GLO1: variants seen among roughly 807,000 people sequenced by gnomAD.
GLO1 encodes lactoylglutathione lyase.
GLO1 carries 28 observed loss-of-function variants against 26.0 expected under a neutral mutation model. The observed-to-expected ratio is 1.08, with a 90% CI of 0.80 to 1.48. GLO1 has a LOEUF of 1.48. Among genes scored for constraint, GLO1 ranks in the 40% most tolerant of loss-of-function variants. The pLI, the probability that GLO1 is intolerant of heterozygous loss-of-function variation, is 0.00. For synonymous variants in GLO1, 78 were observed against 77.6 expected (o/e 1.00, Z -0.03); for missense variants, 225 against 224.8 (o/e 1.00, Z -0.01).
intron 3 of GLO1, 199 bp from the exon 4 acceptor site, chr6:38,683,074 A>G: frequency 3.7e-6 from 2 of 539,426 alleles, no homozygotes; most frequent in South Asian, 5.6e-5. Flanking sequence ...AAGAGACAGT[A>G]AATACAGGTA....
At position 38,690,444 on chromosome 6, in the gene GLO1, G is replaced by A. The variant is rs746365526; in HGVS notation, c.85-3470C>T. 2.1e-4 allele frequency among the ~76,000 whole-genome samples: 32 copies of A among 152,216 alleles called. No homozygotes were observed. The Middle Eastern group carries it at 0.01, about 49-fold the overall frequency. ...TTATGAAAAACATTTAAAATGCTGC[G>A]TCGAGGTATATTAAATGGCATGGAG... On this transcript the variant is annotated intron_variant, in intron 1 of 5. Coordinates refer to ENST00000373365, the MANE Select transcript of GLO1 (RefSeq NM_006708.3).
chr6:38,681,172 T>C (rs1052477194), intron 5 of GLO1, among the ~76,000 whole-genome samples: 1 of 152,090 alleles, frequency 6.6e-6, no homozygotes, highest in African/African-American at 2.4e-5. Context: ...CAAGCAATTC[T>C]CCTGCCTCAG....
intron 1 of GLO1, among the ~76,000 whole-genome samples, chr6:38,698,905 T>C (rs1325350741): frequency 2.6e-5 from 4 of 152,176 alleles, no homozygotes; most frequent in Admixed American, 6.5e-5. Context: ...TTAAGTGGCC[T>C]AATCACCTCC....
intron 5 of GLO1, among the ~76,000 whole-genome samples, chr6:38,678,768 C>T (rs566781145): frequency 6.6e-6 from 1 of 152,316 alleles, no homozygotes; most frequent in African/African-American, 2.4e-5. Context: ...ATAACACTAT[C>T]GGAAGTGTCT....
At chr6:38,686,268 C>T (rs983306290) in intron 2 of GLO1, among the ~76,000 whole-genome samples, 1 of 152,070 alleles carries the variant, frequency 6.6e-6, no homozygotes, top group South Asian at 2.1e-4. Flanking sequence ...TATCTAGGCA[C>T]TAAATTTAAA....
At chr6:38,692,145 A>G (rs1761540118) in intron 1 of GLO1, among the ~76,000 whole-genome samples, 1 of 152,192 alleles carries the variant, frequency 6.6e-6, no homozygotes, top group South Asian at 2.1e-4. Flanking sequence ...GAGAATTGAT[A>G]TCCTTACTGT....
Position 38,676,209 on chromosome 6 carries a change from CG to C in GLO1, c.*1085del, listed in dbSNP as rs1477668215. The C allele has an allele frequency of 6.6e-6, 1 of 152,024 alleles. No individual in the cohort carries two copies. The highest frequency in any genetic ancestry group is 2.4e-5 in the African/African-American group (1 of 41,374). 9.4% of individuals were successfully genotyped at this position (152,024 alleles called of 1,614,324 possible). On this transcript the variant is annotated 3_prime_UTR_variant, in exon 6 of 6. Coordinates refer to ENST00000373365, the MANE Select transcript of GLO1 (RefSeq NM_006708.3). The stretch of plus-strand genomic sequence containing the variant: ...AAAACTCATCAAATGTGAATCATGG[CG>C]GGGAAGACCACTGAGCTGATTTCTG...
At chr6:38,690,420 T>C (rs534943932) in intron 1 of GLO1, among the ~76,000 whole-genome samples, 44 of 152,262 alleles carry the variant, frequency 2.9e-4, no homozygotes, top group African/African-American at 1.0e-3. Context: ...AAAAGAATAT[T>C]ATGAAAAACA....
chr6:38,682,270 T>A (rs1761393205), intron 4 of GLO1, among the ~76,000 whole-genome samples, 169 bp from the exon 5 acceptor site: 1 of 152,144 alleles, frequency 6.6e-6, no homozygotes, highest in Admixed American at 6.5e-5. Flanking sequence ...CAAATATAGA[T>A]CTAATGGGCT....
chr6:38,684,350 A>G (rs1006894333), intron 3 of GLO1, 24 bp downstream of exon 3: 37 of 1,218,350 alleles, frequency 3.0e-5, no homozygotes, highest in Non-Finnish European at 3.7e-5. Flanking sequence ...TATAATATAT[A>G]TAAATATAGA....
At chr6:38,701,540 C>T (rs895354270) in intron 1 of GLO1, among the ~76,000 whole-genome samples, 2 of 152,122 alleles carry the variant, frequency 1.3e-5, no homozygotes, top group African/African-American at 4.8e-5. Flanking sequence ...CCCTAGTTAT[C>T]TGGGAAAATA....
At chr6:38,691,980 GT>G (rs1761538416) in intron 1 of GLO1, among the ~76,000 whole-genome samples, 3 of 152,160 alleles carry the variant, frequency 2.0e-5, no homozygotes, top group African/African-American at 7.2e-5. Flanking sequence ...CTGTAGCTAT[GT>G]AAGTCTTAAA....
chr6:38,693,198 G>A (rs1292627813), intron 1 of GLO1, among the ~76,000 whole-genome samples: 1 of 152,128 alleles, frequency 6.6e-6, no homozygotes, highest in Admixed American at 6.5e-5. Flanking sequence ...AAATTCAATT[G>A]CCTTAAGTTA....
rs954264426 is a variant in GLO1, at chr6:38,677,019, G to A, written c.*276C>T. ...AAGTAATATTTAGGTGGCAGAAGAA[G>A]GCAAATGCAGCCTCTGAAGGGAACT... On this transcript the variant is annotated 3_prime_UTR_variant, in exon 6 of 6. Transcript: ENST00000373365. 4 of 301,784 alleles carry A rather than the reference G, an allele frequency of 1.3e-5. No individual in the cohort carries two copies. The highest frequency in any genetic ancestry group is 2.4e-5 in the Non-Finnish European group (4 of 166,316). The allele number at this position is 301,784 out of a possible 1,614,324, so 18.7% of individuals were successfully genotyped here.
chr6:38,678,608 T>G lies in GLO1; in HGVS notation c.467-1225A>C, dbSNP rs564447349. 2.4e-4 allele frequency among the ~76,000 whole-genome samples: 37 copies of G among 152,244 alleles called. No individual in the cohort carries two copies. In the South Asian group the frequency reaches 7.5e-3, roughly 31 times the overall value. ...TTTGCTCTTGCTCCTCCCTCACTGC[T>G]GTGTGCATCGGCACCTGCCCTCTCG... On this transcript the variant is annotated intron_variant, in intron 5 of 5. Transcript: ENST00000373365.
chr6:38,683,609 C>T (rs1430943866), intron 3 of GLO1, among the ~76,000 whole-genome samples: 3 of 152,132 alleles, frequency 2.0e-5, no homozygotes, highest in Non-Finnish European at 2.9e-5. Context: ...AAATGGAGGC[C>T]GGGCGTGGTG....
At position 38,677,195 on chromosome 6, in the gene GLO1, G is replaced by T; in HGVS notation, c.*100C>A. The T allele has an allele frequency of 1.4e-6, 1 of 736,926 alleles. No homozygotes were observed. The highest frequency in any genetic ancestry group is 2.5e-6 in the Non-Finnish European group (1 of 407,922). 45.6% of individuals were successfully genotyped at this position (736,926 alleles called of 1,614,324 possible). ...AATGGACTGAAGAATAATTTGAATC[G>T]GGACAGTGATCCATCAGTCCTAGAT... On this transcript the variant is annotated 3_prime_UTR_variant, in exon 6 of 6. Coordinates refer to ENST00000373365, the MANE Select transcript of GLO1 (RefSeq NM_006708.3).
At chr6:38,686,747 T>C in intron 2 of GLO1, 145 bp downstream of exon 2, 2 of 572,300 alleles carry the variant, frequency 3.5e-6, no homozygotes, top group Non-Finnish European at 6.3e-6. Flanking sequence ...AGAGAAGCCC[T>C]GTCCAGCCAG....
At chr6:38,689,815 T>C (rs563836757) in intron 1 of GLO1, among the ~76,000 whole-genome samples, 2 of 152,054 alleles carry the variant, frequency 1.3e-5, no homozygotes, top group East Asian at 3.9e-4. Flanking sequence ...GTAGTGGTGG[T>C]GCACGAATTA....
Sources: allele counts gnomAD v4.1 joint callset (sites outside exome capture counted in the v4.1 genomes callset), GRCh38; gene constraint gnomAD v4.1.1; transcripts MANE v1.5; gene names NCBI Gene and HGNC (gene_info 2026-07-23, HGNC 2026-07-21).